NOL4L: variants seen among roughly 807,000 people sequenced by gnomAD.
The protein encoded by NOL4L is nucleolar protein 4 like, also known as nucleolar protein 4-like.
Under a neutral mutation model 64.5 loss-of-function variants are expected in NOL4L, and 7 were observed. The ratio of observed to expected loss-of-function variants is 0.11; its 90% CI spans 0.06 to 0.20. The LOEUF (loss-of-function observed/expected upper bound fraction) is 0.20, where lower values mean the gene tolerates loss of function less well. Among genes scored for constraint, NOL4L ranks in the 10% least tolerant of loss-of-function variants. The pLI, the probability that NOL4L is intolerant of heterozygous loss-of-function variation, is 1.00. For missense variants in NOL4L, 680 were observed against 967.1 expected, an observed-to-expected ratio of 0.70 and a Z score of 3.94; for synonymous variants, 413 against 401.0, an observed-to-expected ratio of 1.03 and a Z score of -0.36.
At chr20:32,518,572 C>T (rs745859638) in intron 3 of NOL4L, among the ~76,000 whole-genome samples, 2 of 152,238 alleles carry the variant, frequency 1.3e-5, no homozygotes, top group Non-Finnish European at 2.9e-5. Context: ...GAGCGGATGG[C>T]GCCTCAGACA....
At chr20:32,485,204 CAGAGA>C (rs975497446) in intron 4 of NOL4L, among the ~76,000 whole-genome samples, 3 of 151,814 alleles carry the variant, frequency 2.0e-5, no homozygotes, top group Non-Finnish European at 4.4e-5. Context: ...GTGGAACCAG[CAGAGA>C]AGAGAAAACG....
chr20:32,513,035 C>T (rs1318037719), intron 3 of NOL4L, among the ~76,000 whole-genome samples: 1 of 152,214 alleles, frequency 6.6e-6, no homozygotes, highest in Admixed American at 6.5e-5. Context: ...TACCTGGCCT[C>T]CTCCTCCTTC....
intron 4 of NOL4L, among the ~76,000 whole-genome samples, chr20:32,487,364 G>A (rs1033348506): frequency 6.6e-6 from 1 of 151,522 alleles, no homozygotes; most frequent in Non-Finnish European, 1.5e-5. Context: ...AAGGGGTGGG[G>A]GAGAGGCAGA....
At chr20:32,468,394 C>G (rs1337545906) in intron 5 of NOL4L, among the ~76,000 whole-genome samples, 1 of 152,140 alleles carries the variant, frequency 6.6e-6, no homozygotes, top group Non-Finnish European at 1.5e-5. Context: ...CCTCCCTTCC[C>G]AGCCCCCTGC....
intron 2 of NOL4L, among the ~76,000 whole-genome samples, chr20:32,523,857 T>A (rs527371340): frequency 6.6e-6 from 1 of 152,320 alleles, no homozygotes; most frequent in South Asian, 2.1e-4. Context: ...GCAGGAGCTA[T>A]TTGCAGAGTC....
In NOL4L at chr20:32,452,420, C is replaced by A; in HGVS notation, c.1638G>T (p.Leu546=). 6.2e-7 allele frequency: 1 copy of A among 1,605,280 alleles called. No individual in the cohort carries two copies. The change falls in exon 10 of 11, where the codon CTG becomes CTT. Residue 546 remains leucine, a synonymous_variant. Transcript: ENST00000621426. ...YQSSQDEPIA[L]DKQHSRDSAA... is the part of the protein sequence containing the mutation. ...CGGAGTCCCGCGAGTGCTGCTTGTC[C>A]AGGGCTATGGGCTCATCCTGCAGAG...
At chr20:32,477,324 G>A (rs1467028995) in intron 4 of NOL4L, among the ~76,000 whole-genome samples, 2 of 152,216 alleles carry the variant, frequency 1.3e-5, no homozygotes, top group African/African-American at 4.8e-5. Context: ...AAGGTCACGA[G>A]CTAACACGAG....
Position 32,447,575 on chromosome 20 carries a change from G to A in NOL4L, c.*21C>T, listed in dbSNP as rs1459643721. 6.3e-7 allele frequency: 1 copy of A among 1,578,648 alleles called. No individual in the cohort carries two copies. Among genetic ancestry groups the A allele is most frequent in the Non-Finnish European group, 8.6e-7 (1 of 1,166,842 alleles). ...GGACAGCCTCCTTCCCTAGGGCAGTGCGCTCCAGGTGCCGGTGGGGTCAGT... is the reference window on the plus strand; with the variant it reads ...GGACAGCCTCCTTCCCTAGGGCAGTACGCTCCAGGTGCCGGTGGGGTCAGT... On this transcript the variant is annotated 3_prime_UTR_variant, in exon 11 of 11. Transcript: ENST00000621426.
chr20:32,486,923 G>GA, intron 4 of NOL4L: 1 of 378,724 alleles, frequency 2.6e-6, no homozygotes, highest in Admixed American at 3.7e-5. Flanking sequence ...AACAGTCTTG[G>GA]ACTCTACAAA....
At chr20:32,552,156 T>TA (rs1160383218) in intron 1 of NOL4L, among the ~76,000 whole-genome samples, 2 of 152,026 alleles carry the variant, frequency 1.3e-5, no homozygotes, top group African/African-American at 2.4e-5. Flanking sequence ...GCTATTATAT[T>TA]AAAAAAAGCA....
chr20:32,565,199 GC>G (rs1488070732), intron 1 of NOL4L, among the ~76,000 whole-genome samples: 1 of 142,944 alleles, frequency 7.0e-6, no homozygotes, highest in Non-Finnish European at 1.5e-5. Flanking sequence ...TGGAGACCCC[GC>G]CCTCCCAGCC....
At chr20:32,485,634 G>A in intron 4 of NOL4L, 1 of 402,586 alleles carries the variant, frequency 2.5e-6, no homozygotes. Flanking sequence ...GGTGATGTGG[G>A]GCAGGTGGGA....
intron 4 of NOL4L, among the ~76,000 whole-genome samples, chr20:32,488,818 T>TC (rs2016281747): frequency 1.1e-4 from 2 of 17,434 alleles, no homozygotes; most frequent in Non-Finnish European, 9.7e-5. Flanking sequence ...TCTTTCTTTC[T>TC]TTCTTTCTTT....
At chr20:32,554,387 G>A (rs1358360480) in intron 1 of NOL4L, among the ~76,000 whole-genome samples, 1 of 151,874 alleles carries the variant, frequency 6.6e-6, no homozygotes, top group Admixed American at 6.6e-5. Context: ...AGGCTCAGAG[G>A]TGAAGGCGCT....
At chr20:32,560,478 G>A (rs1978941902) in intron 1 of NOL4L, among the ~76,000 whole-genome samples, 2 of 152,224 alleles carry the variant, frequency 1.3e-5, no homozygotes, top group Non-Finnish European at 2.9e-5. Context: ...CATGCTACCC[G>A]CTGCCCCAAC....
intron 1 of NOL4L, among the ~76,000 whole-genome samples, chr20:32,554,386 G>A (rs1431113609): frequency 6.6e-6 from 1 of 151,548 alleles, no homozygotes; most frequent in Non-Finnish European, 1.5e-5. Context: ...CAGGCTCAGA[G>A]GTGAAGGCGC....
intron 1 of NOL4L, among the ~76,000 whole-genome samples, chr20:32,565,939 C>T: frequency 6.6e-6 from 1 of 152,112 alleles, no homozygotes; most frequent in East Asian, 1.9e-4. Context: ...GTAGTGCCAG[C>T]CACTCGGGAG....
intron 4 of NOL4L, chr20:32,486,796 G>A (rs2016105869): frequency 4.2e-6 from 2 of 470,948 alleles, no homozygotes; most frequent in Non-Finnish European, 8.8e-6. Context: ...CTCCTGAAGG[G>A]AGGCACTGGA....
chr20:32,486,871 G>C (rs1036324661), intron 4 of NOL4L: 7 of 429,552 alleles, frequency 1.6e-5, no homozygotes, highest in Non-Finnish European at 3.4e-5. Flanking sequence ...CTCCTCAAGA[G>C]ACAACCAGAC....
Sources: gnomAD v4.1 joint callset for allele counts (sites outside exome capture counted in the v4.1 genomes callset) on GRCh38, gnomAD v4.1.1 for gene constraint, MANE v1.5 for transcripts, NCBI Gene and HGNC (gene_info 2026-07-23, HGNC 2026-07-21) for gene names.